The following UBE3B variants were observed in gnomAD, a reference collection of about 807,000 sequenced individuals.
UBE3B encodes ubiquitin-protein ligase E3B.
UBE3B carries 80 observed loss-of-function variants against 132.3 expected under a neutral mutation model. That is an observed-to-expected ratio of 0.60 (90% CI 0.50 to 0.73). UBE3B has a LOEUF of 0.73. UBE3B is among the 30% of genes least tolerant of loss of function. UBE3B has a pLI of 0.00. For synonymous variants in UBE3B, 487 were observed against 520.4 expected (o/e 0.94, Z 0.87); for missense variants, 1,196 against 1,362.5 (o/e 0.88, Z 1.92).
chr12:109,536,578 CTG>C lies in UBE3B; in HGVS notation c.*1797_*1798del, dbSNP rs1401741450. On this transcript the variant is annotated 3_prime_UTR_variant, in exon 28 of 28. Transcript: ENST00000342494. Reference sequence around the variant, plus strand: ...TGAAACACTGAATCTCCTTTTGTAACTGGTGTTCACTGACACCTTGATGGCTC... The same window carrying C: ...TGAAACACTGAATCTCCTTTTGTAACGTGTTCACTGACACCTTGATGGCTC... The C allele has an allele frequency of 6.6e-6, 1 of 152,348 alleles. No individual in the cohort carries two copies. The highest frequency in any genetic ancestry group is 1.9e-4 in the East Asian group (1 of 5,192). 9.4% of individuals were successfully genotyped at this position (152,348 alleles called of 1,614,324 possible).
intron 24 of UBE3B, among the ~76,000 whole-genome samples, chr12:109,528,115 A>G (rs1008200402): frequency 6.6e-6 from 1 of 152,204 alleles, no homozygotes; most frequent in African/African-American, 2.4e-5. Flanking sequence ...GATTCTTAGC[A>G]TTTATAGCAT....
At chr12:109,529,422 T>G (rs1383575235) in intron 24 of UBE3B, among the ~76,000 whole-genome samples, 1 of 152,214 alleles carries the variant, frequency 6.6e-6, no homozygotes, top group Non-Finnish European at 1.5e-5. Context: ...TGATCCAGAT[T>G]AGCAAGGTTT....
intron 14 of UBE3B, among the ~76,000 whole-genome samples, chr12:109,503,486 C>CA (rs58979120): frequency 2.9e-3 from 405 of 141,858 alleles, no homozygotes; most frequent in Non-Finnish European, 4.4e-3. Flanking sequence ...GATAGGGTTG[C>CA]AAAAAAAAAA....
At chr12:109,520,928 C>T in intron 19 of UBE3B, 1 of 498,978 alleles carries the variant, frequency 2.0e-6, no homozygotes, top group Non-Finnish European at 3.6e-6. Context: ...TCAGTCTCCC[C>T]TTGCCAAGGA....
rs887878299 is a variant in UBE3B, at chr12:109,488,801, C to A, written c.544+133C>A. ...CCCTGAGACCATACAAATGAGGATG[C>A]CCTTGGTGCTGACCATCAGACTGCA... On this transcript the variant is annotated intron_variant, in intron 7 of 27. Transcript: ENST00000342494. 1.6e-5 allele frequency: 12 copies of A among 757,070 alleles called. No individual in the cohort carries two copies. In the African/African-American group the frequency reaches 1.9e-4, roughly 12 times the overall value. 46.9% of individuals were successfully genotyped at this position (757,070 alleles called of 1,614,324 possible).
In UBE3B at chr12:109,533,401, G is replaced by T. The variant is rs1018451317; in HGVS notation, c.2923-65G>T. 1.2e-5 allele frequency: 17 copies of T among 1,422,530 alleles called. No homozygotes were observed. The Middle Eastern group carries it at 5.2e-4, about 44-fold the overall frequency. The allele number at this position is 1,422,530 out of a possible 1,614,324, so 88.1% of individuals were successfully genotyped here. A position where few individuals can be genotyped will look rare whatever the true frequency, so the allele number is the denominator to read the frequency against. On this transcript the variant is annotated intron_variant, in intron 26 of 27. Coordinates refer to ENST00000342494, the MANE Select transcript of UBE3B (RefSeq NM_130466.4). ...CAGAGCAAACACGTGCTACACAGCT[G>T]CAAGGGCCCGTCCTGGAAGAGCAGG...
chr12:109,504,325 A>C (rs1419858578), intron 14 of UBE3B, among the ~76,000 whole-genome samples: 2 of 152,264 alleles, frequency 1.3e-5, no homozygotes, highest in African/African-American at 4.8e-5. Flanking sequence ...GCCCCCTGGG[A>C]GGCAAAATCA....
At chr12:109,486,949 T>C (rs1876598342) in intron 6 of UBE3B, among the ~76,000 whole-genome samples, 1 of 152,188 alleles carries the variant, frequency 6.6e-6, no homozygotes, top group African/African-American at 2.4e-5. Context: ...AAGAGAACGT[T>C]GTGCTCTAGA....
At chr12:109,541,691 G>A (rs762617907), downstream of UBE3B, among the ~76,000 whole-genome samples, 9 of 152,114 alleles carry the variant, frequency 5.9e-5, no homozygotes, top group Non-Finnish European at 1.2e-4. Flanking sequence ...TATTCTCCTC[G>A]GACAGTTCTG....
chr12:109,528,554 A>G (rs1882611511), intron 24 of UBE3B: 1 of 958,054 alleles, frequency 1.0e-6, no homozygotes, highest in African/African-American at 1.8e-5. Context: ...GTTCTTTGCT[A>G]AGAAATCAGT....
chr12:109,495,897 T>C (rs1878139694), intron 9 of UBE3B, among the ~76,000 whole-genome samples: 1 of 152,254 alleles, frequency 6.6e-6, no homozygotes, highest in Non-Finnish European at 1.5e-5. Flanking sequence ...GCCGTGGGCA[T>C]CACGGCCATC....
chr12:109,525,171 A>G (rs61941636), intron 23 of UBE3B, among the ~76,000 whole-genome samples: 11,906 of 152,170 alleles, frequency 0.078, 1,041 homozygotes, highest in African/African-American at 0.21. Flanking sequence ...CATTTGCCAG[A>G]TGCGAGTCCT....
At chr12:109,510,116 G>T (rs746130124) in intron 16 of UBE3B, among the ~76,000 whole-genome samples, 1 of 152,160 alleles carries the variant, frequency 6.6e-6, no homozygotes, top group Non-Finnish European at 1.5e-5. Context: ...AGGCCCTTCG[G>T]ATGACACACT....
At chr12:109,507,034 C>G (rs143822238) in intron 14 of UBE3B, among the ~76,000 whole-genome samples, 38 of 152,344 alleles carry the variant, frequency 2.5e-4, no homozygotes, top group African/African-American at 8.9e-4. Flanking sequence ...TCGTCTGGTT[C>G]TGAGGGCTGC....
At chr12:109,543,891 T>G in the UBE3B span, among the ~76,000 whole-genome samples, 7,832 of 150,610 alleles carry the variant, frequency 0.052, 283 homozygotes, top group Middle Eastern at 0.079. Context: ...GATGGTACCA[T>G]AAGGAGGGTT....
At position 109,516,766 on chromosome 12, in the gene UBE3B, G is replaced by C. The variant is rs1424949304; in HGVS notation, c.1958G>C (p.Arg653Thr). Residue 653 changes from arginine to threonine, a missense_variant and splice_region_variant, in exon 19 of 28, where the codon AGA (arginine) becomes ACA (threonine). By Grantham distance (71) the Arg-to-Thr change is moderately conservative. Transcript: ENST00000342494. ...TGATCCCGCCTTTGTTCATTTTAGA[G>C]AGTTCTACTGTTTCGAACCATGGTT... The part of the protein sequence containing the change: ...YIPHVIPHKN[R>T]VLLFRTMVTK... 1.2e-6 allele frequency: 2 copies of C among 1,613,370 alleles called. No homozygotes were observed. Among genetic ancestry groups the C allele is most frequent in the African/African-American group, 2.7e-5 (2 of 74,868 alleles).
rs754392434 is a variant in UBE3B at position 109,499,857 on chromosome 12, ATCT to A, written c.1118+56_1118+58del. On this transcript the variant is annotated intron_variant, in intron 12 of 27. Transcript: ENST00000342494. ...CTGTCTTTCCTGCCTCTCTCCCACC[ATCT>A]TCTTCTTCCTTCTTTCTTTCTTCCA... is the stretch of plus-strand genomic sequence containing the variant. The A allele has an allele frequency of 6.9e-5, 100 of 1,451,034 alleles. No individual in the cohort carries two copies. The East Asian group carries it at 2.4e-3, about 34-fold the overall frequency. The allele number at this position is 1,451,034 out of a possible 1,614,324, so 89.9% of individuals were successfully genotyped here. A position where few individuals can be genotyped will look rare whatever the true frequency, so the allele number is the denominator to read the frequency against.
intron 15 of UBE3B, 88 bp downstream of exon 15, chr12:109,507,823 G>T: frequency 7.1e-7 from 1 of 1,410,072 alleles, no homozygotes; most frequent in South Asian, 1.4e-5. Flanking sequence ...TTGCTAATGT[G>T]ATTACTGCAA....
At chr12:109,523,648 G>C (rs1330247372) in intron 21 of UBE3B, among the ~76,000 whole-genome samples, 1 of 152,042 alleles carries the variant, frequency 6.6e-6, no homozygotes, top group South Asian at 2.1e-4. Context: ...TACTGTGCAC[G>C]TTCCATCCTC....
Sources: allele counts gnomAD v4.1 joint callset (sites outside exome capture counted in the v4.1 genomes callset), GRCh38; gene constraint gnomAD v4.1.1; transcripts MANE v1.5; gene names NCBI Gene and HGNC (gene_info 2026-07-23, HGNC 2026-07-21).